CNTFR: variants seen among roughly 807,000 people sequenced by gnomAD.
CNTFR encodes ciliary neurotrophic factor receptor subunit alpha.
A neutral mutation model predicts 40.4 loss-of-function variants in CNTFR; 12 were observed. The observed-to-expected ratio is 0.30, with a 90% CI of 0.19 to 0.48. The LOEUF is 0.48. Among genes scored for constraint, CNTFR ranks in the 20% least tolerant of loss-of-function variants. The probability of loss-of-function intolerance (pLI) is 0.99; values close to 1 mark genes in which losing one functional copy is unlikely to be tolerated. For missense variants in CNTFR, 414 were observed against 506.8 expected, an observed-to-expected ratio of 0.82 and a Z score of 1.76; for synonymous variants, 202 against 209.6, an observed-to-expected ratio of 0.96 and a Z score of 0.31.
intron 7 of CNTFR, among the ~76,000 whole-genome samples, chr9:34,554,967 G>A (rs372108405): frequency 6.6e-5 from 10 of 152,240 alleles, no homozygotes; most frequent in African/African-American, 2.2e-4. Flanking sequence ...CCTCAGTGTG[G>A]GGGTCAGTTT....
At chr9:34,560,929 C>T (rs1826045656) in intron 4 of CNTFR, among the ~76,000 whole-genome samples, 2 of 152,238 alleles carry the variant, frequency 1.3e-5, no homozygotes, top group South Asian at 4.1e-4. Context: ...ATCTCGCCAG[C>T]CTGCCTGGGC....
chr9:34,568,837 G>A, intron 3 of CNTFR, 60 bp downstream of exon 3: 1 of 1,449,918 alleles, frequency 6.9e-7, no homozygotes. Flanking sequence ...AGCTATGCCA[G>A]TGAGGGTTCA....
intron 2 of CNTFR, among the ~76,000 whole-genome samples, chr9:34,573,417 C>T (rs911171548): frequency 6.6e-6 from 1 of 152,108 alleles, no homozygotes; most frequent in Non-Finnish European, 1.5e-5. Flanking sequence ...GTGGGCACGC[C>T]GAGGCTCAGG....
Position 34,589,090 on chromosome 9 carries a change from C to T in CNTFR, c.-112+465G>A, listed in dbSNP as rs1827669714. On this transcript the variant is annotated intron_variant, in intron 1 of 9. Transcript: ENST00000378980. This position sits in a 1 kb window ranked among gnomAD's most constrained non-coding sequence, Gnocchi z 4.4. ...ACACGCGCGCGCGGGCGCGCGGATTCACACGGACACACATGCACTGGCAGA... is the reference window on the plus strand; with the variant it reads ...ACACGCGCGCGCGGGCGCGCGGATTTACACGGACACACATGCACTGGCAGA... Among the ~76,000 whole-genome samples, 1 of 152,222 alleles carries T rather than the reference C, an allele frequency of 6.6e-6. No individual in the cohort carries two copies. The highest frequency in any genetic ancestry group is 1.9e-4 in the East Asian group (1 of 5,138).
At chr9:34,580,085 CCTT>C (rs1827209500) in intron 2 of CNTFR, 1 of 152,288 alleles carries the variant, frequency 6.6e-6, no homozygotes, top group Non-Finnish European at 1.5e-5. Flanking sequence ...CGACCACTAT[CCTT>C]CTCTTCTCCA....
intron 1 of CNTFR, among the ~76,000 whole-genome samples, chr9:34,588,509 GAAC>G (rs1289488765): frequency 2.0e-5 from 3 of 152,160 alleles, no homozygotes; most frequent in Non-Finnish European, 2.9e-5. Context: ...ATTACAGGCA[GAAC>G]AACTAGTGTT....
At position 34,552,618 on chromosome 9, in the gene CNTFR, C is replaced by A; in HGVS notation, c.949+56G>T. 1 of 1,562,854 alleles carries A rather than the reference C, an allele frequency of 6.4e-7. No individual in the cohort carries two copies. The highest frequency in any genetic ancestry group is 1.2e-5 in the South Asian group (1 of 86,286). On this transcript the variant is annotated intron_variant, in intron 8 of 9. Transcript: ENST00000378980. The surrounding 1 kb of genome is among the most constrained non-coding windows in gnomAD (Gnocchi z 5.1). ...GCAGGGTAGAACCAGGCCACAGGTT[C>A]TACCACAGGCCTCCAGGACAGCAAA...
In CNTFR at chr9:34,589,083, G is replaced by A. The variant is rs1050363748; in HGVS notation, c.-112+472C>T. On this transcript the variant is annotated intron_variant, in intron 1 of 9. Coordinates refer to ENST00000378980, the MANE Select transcript of CNTFR (RefSeq NM_147164.3). This position sits in a 1 kb window ranked among gnomAD's most constrained non-coding sequence, Gnocchi z 4.4. ...CACACACACACGCGCGCGCGGGCGC[G>A]CGGATTCACACGGACACACATGCAC... Among the ~76,000 whole-genome samples the A allele has an allele frequency of 2.0e-5, 3 of 152,084 alleles. No homozygotes were observed. Among genetic ancestry groups the A allele is most frequent in the African/African-American group, 4.8e-5 (2 of 41,418 alleles).
intron 2 of CNTFR, among the ~76,000 whole-genome samples, chr9:34,573,343 G>A (rs1826776266): frequency 6.6e-6 from 1 of 152,212 alleles, no homozygotes; most frequent in South Asian, 2.1e-4. Flanking sequence ...CTGCGTCTCA[G>A]CTGTAATTGT....
At chr9:34,564,564 A>G (rs1381758188) in intron 4 of CNTFR, 35 bp downstream of exon 4, 3 of 1,555,672 alleles carry the variant, frequency 1.9e-6, no homozygotes, top group Admixed American at 1.9e-5. Flanking sequence ...TCAAGGAAGG[A>G]GGGAGGCTGG....
intron 4 of CNTFR, among the ~76,000 whole-genome samples, chr9:34,560,059 G>A (rs1267022571): frequency 6.6e-6 from 1 of 152,254 alleles, no homozygotes; most frequent in Non-Finnish European, 1.5e-5. Context: ...GCCCTGAGCA[G>A]GGAAGGGCTT....
At chr9:34,583,314 G>A (rs972408314) in intron 1 of CNTFR, among the ~76,000 whole-genome samples, 2 of 152,198 alleles carry the variant, frequency 1.3e-5, no homozygotes, top group Non-Finnish European at 2.9e-5. Context: ...CCACTGCATG[G>A]GTATAACCTG....
chr9:34,577,007 T>C (rs1827004997), intron 2 of CNTFR, among the ~76,000 whole-genome samples: 1 of 152,170 alleles, frequency 6.6e-6, no homozygotes, highest in South Asian at 2.1e-4. Flanking sequence ...GGCATCACTG[T>C]CAGCCCACAG....
intron 2 of CNTFR, among the ~76,000 whole-genome samples, chr9:34,578,420 C>G (rs901449005): frequency 1.3e-5 from 2 of 152,202 alleles, no homozygotes; most frequent in African/African-American, 4.8e-5. Context: ...CCGCTCCGGT[C>G]CCGGCCCCTC....
intron 1 of CNTFR, chr9:34,582,783 T>C (rs962447032): frequency 1.3e-5 from 2 of 150,974 alleles, no homozygotes; most frequent in African/African-American, 4.9e-5. Context: ...GGCCAAAGAA[T>C]GAGAGAGATA....
At chr9:34,586,459 G>A (rs1349801082) in intron 1 of CNTFR, among the ~76,000 whole-genome samples, 1 of 152,202 alleles carries the variant, frequency 6.6e-6, no homozygotes, top group Non-Finnish European at 1.5e-5. Context: ...CCCTGGAGCA[G>A]TCGCAGGAGC....
Position 34,552,083 on chromosome 9 carries a change from G to C in CNTFR, c.*-12C>G, listed in dbSNP as rs967676529. 3.2e-6 allele frequency: 5 copies of C among 1,570,374 alleles called. No individual in the cohort carries two copies. The highest frequency in any genetic ancestry group is 3.5e-6 in the Non-Finnish European group (4 of 1,145,696). On this transcript the variant is annotated splice_polypyrimidine_tract_variant and intron_variant, in intron 9 of 9. Coordinates refer to ENST00000378980, the MANE Select transcript of CNTFR (RefSeq NM_147164.3). The surrounding 1 kb of genome is among the most constrained non-coding windows in gnomAD (Gnocchi z 5.1). ...TGGGGTGCCGGGCTCTGTAGAGACA[G>C]GCAGGGGCCTGTCAGGGAGGGGGCT... is the stretch of plus-strand genomic sequence containing the variant.
intron 2 of CNTFR, among the ~76,000 whole-genome samples, chr9:34,572,683 T>C (rs919970735): frequency 6.6e-6 from 1 of 152,168 alleles, no homozygotes; most frequent in Non-Finnish European, 1.5e-5. Flanking sequence ...CACTGTGGCA[T>C]AAAGATACCA....
rs943515985 is a variant in CNTFR, at chr9:34,583,149, C to T, written c.-111-1944G>A. Among the ~76,000 whole-genome samples, 5 of 152,332 alleles carry T rather than the reference C, an allele frequency of 3.3e-5. No individual in the cohort carries two copies. The South Asian group carries it at 1.0e-3, about 32-fold the overall frequency. On this transcript the variant is annotated intron_variant, in intron 1 of 9. Transcript: ENST00000378980. ...CATAAACCCTATGGTCCCCTCCATC[C>T]TCACCTGCTGTCCTCTAGGAGGCTG...
Sources: gnomAD v4.1 joint callset for allele counts (sites outside exome capture counted in the v4.1 genomes callset) on GRCh38, gnomAD v4.1.1 for gene constraint, Gnocchi (gnomAD v3.1) non-coding constraint, MANE v1.5 for transcripts, NCBI Gene and HGNC (gene_info 2026-07-23, HGNC 2026-07-21) for gene names.